The following SLC2A13 variants were observed in gnomAD, a reference collection of about 807,000 sequenced individuals.
The protein encoded by SLC2A13 is proton myo-inositol cotransporter.
SLC2A13 carries 32 observed loss-of-function variants against 64.4 expected under a neutral mutation model. The observed-to-expected ratio is 0.50, with a 90% CI of 0.37 to 0.67. SLC2A13 has a LOEUF of 0.67. Ranked by LOEUF, SLC2A13 falls within the 30% of genes least tolerant of loss-of-function variation. SLC2A13 has a pLI of 0.00. For synonymous variants in SLC2A13, 338 were observed against 327.1 expected, an observed-to-expected ratio of 1.03 and a Z score of -0.36; for missense variants, 743 against 829.2, an observed-to-expected ratio of 0.90 and a Z score of 1.28.
In SLC2A13 at chr12:40,015,630, C is replaced by T. The variant is rs531237630; in HGVS notation, c.925+12671G>A. 2.0e-3 allele frequency among the ~76,000 whole-genome samples: 300 copies of T among 152,310 alleles called. 3 individuals carry two copies. Among genetic ancestry groups the T allele is most frequent in the African/African-American group, 7.1e-3 (294 of 41,566 alleles). ...CAGGCTTCCAACACTCTCCCTCCTC[C>T]ACTGCACTTGATCTTTCCCCATCAC... On this transcript the variant is annotated intron_variant, in intron 3 of 9. Coordinates refer to ENST00000280871, the MANE Select transcript of SLC2A13 (RefSeq NM_052885.4).
intron 4 of SLC2A13, among the ~76,000 whole-genome samples, chr12:39,906,738 G>A (rs954131566): frequency 1.1e-4 from 16 of 152,188 alleles, no homozygotes; most frequent in African/African-American, 3.9e-4. Context: ...TTATTAAAGT[G>A]AGAGCTACTT....
intron 5 of SLC2A13, among the ~76,000 whole-genome samples, chr12:39,867,414 G>A (rs1943937112): frequency 6.6e-6 from 1 of 151,844 alleles, no homozygotes; most frequent in Non-Finnish European, 1.5e-5. Flanking sequence ...TTGAATGGAT[G>A]GGCCACCATA....
At chr12:39,815,784 A>G (rs1942321964) in intron 7 of SLC2A13, among the ~76,000 whole-genome samples, 1 of 152,186 alleles carries the variant, frequency 6.6e-6, no homozygotes, top group Admixed American at 6.5e-5. Flanking sequence ...CCAGTCTGGA[A>G]AAAACAAATA....
At chr12:39,897,564 C>G (rs1284172780) in intron 4 of SLC2A13, among the ~76,000 whole-genome samples, 1 of 152,164 alleles carries the variant, frequency 6.6e-6, no homozygotes, top group Non-Finnish European at 1.5e-5. Flanking sequence ...TGTTTTTTAT[C>G]TGCTCTGTCC....
chr12:40,024,265 T>C (rs2136211248), intron 3 of SLC2A13, among the ~76,000 whole-genome samples: 1 of 152,316 alleles, frequency 6.6e-6, no homozygotes, highest in African/African-American at 2.4e-5. Flanking sequence ...AGTAATTGTG[T>C]CCCTACTAAT....
At chr12:39,800,242 T>A (rs1362083243) in intron 7 of SLC2A13, among the ~76,000 whole-genome samples, 1 of 152,198 alleles carries the variant, frequency 6.6e-6, no homozygotes. Context: ...AAATAATTTG[T>A]GACTAGAATC....
chr12:40,105,044 A>G lies in SLC2A13; in HGVS notation c.556+209T>C, dbSNP rs1939259281. ...CGTGCGCTCGAGGGAGACTAGAGTG[A>G]CACCCCCTCCCCCCCGACCCTCCCA... On this transcript the variant is annotated intron_variant, in intron 1 of 9. Transcript: ENST00000280871. This position sits in a 1 kb window ranked among gnomAD's most constrained non-coding sequence, Gnocchi z 4.2. Among the ~76,000 whole-genome samples, 1 of 151,978 alleles carries G rather than the reference A, an allele frequency of 6.6e-6. No individual in the cohort carries two copies. Among genetic ancestry groups the G allele is most frequent in the Non-Finnish European group, 1.5e-5 (1 of 67,988 alleles).
At chr12:40,034,617 G>T (rs184138347) in intron 2 of SLC2A13, among the ~76,000 whole-genome samples, 25 of 152,270 alleles carry the variant, frequency 1.6e-4, no homozygotes, top group Admixed American at 2.6e-4. Flanking sequence ...TCATGTCCAT[G>T]TTAGCCCATT....
intron 4 of SLC2A13, among the ~76,000 whole-genome samples, chr12:39,910,912 G>C (rs531272744): frequency 6.6e-6 from 1 of 151,880 alleles, no homozygotes; most frequent in African/African-American, 2.4e-5. Context: ...GTGAAACCCC[G>C]TCTCTACTAA....
Position 40,073,548 on chromosome 12 carries a change from C to G in SLC2A13, c.557-25338G>C, listed in dbSNP as rs375793133. Among the ~76,000 whole-genome samples, 4 of 152,142 alleles carry G rather than the reference C, an allele frequency of 2.6e-5. No individual in the cohort carries two copies. The East Asian group carries it at 5.8e-4, about 22-fold the overall frequency. ...ACGTAGATCTGAGTTTCTGACATAT[C>G]ATTTTTTACATTTCTTGCATGGCAA... On this transcript the variant is annotated intron_variant, in intron 1 of 9. Transcript: ENST00000280871.
intron 4 of SLC2A13, among the ~76,000 whole-genome samples, chr12:39,891,486 T>C (rs1198234046): frequency 1.3e-5 from 2 of 152,196 alleles, no homozygotes; most frequent in South Asian, 2.1e-4. Context: ...TAAGAAAGCA[T>C]ATGAAAATCT....
chr12:40,055,041 G>A (rs1948313718), intron 1 of SLC2A13, among the ~76,000 whole-genome samples: 1 of 152,194 alleles, frequency 6.6e-6, no homozygotes, highest in Admixed American at 6.5e-5. Flanking sequence ...ATCCCTCGCT[G>A]TGGTTGTTTT....
chr12:39,898,463 A>G (rs1210457397), intron 4 of SLC2A13, among the ~76,000 whole-genome samples: 4 of 151,636 alleles, frequency 2.6e-5, no homozygotes, highest in African/African-American at 4.8e-5. Context: ...ATGACATACC[A>G]TATTCTGCCA....
At chr12:39,777,709 G>C (rs896208028) in intron 7 of SLC2A13, among the ~76,000 whole-genome samples, 2 of 152,224 alleles carry the variant, frequency 1.3e-5, no homozygotes, top group African/African-American at 2.4e-5. Flanking sequence ...TGGCCGTCGA[G>C]AGGAACGCAC....
chr12:39,896,610 G>C (rs1944923948), intron 4 of SLC2A13, among the ~76,000 whole-genome samples: 1 of 151,156 alleles, frequency 6.6e-6, no homozygotes, highest in African/African-American at 2.4e-5. Context: ...GTATGTATAT[G>C]TGTTTATATG....
At chr12:39,766,016 AG>A (rs1421043613) in intron 7 of SLC2A13, among the ~76,000 whole-genome samples, 4 of 152,038 alleles carry the variant, frequency 2.6e-5, no homozygotes, top group Non-Finnish European at 1.5e-5. Flanking sequence ...TTGGCCTCAT[AG>A]TTCCTTATTT....
At chr12:40,019,722 T>A (rs1313186288) in intron 3 of SLC2A13, among the ~76,000 whole-genome samples, 4 of 152,202 alleles carry the variant, frequency 2.6e-5, no homozygotes, top group African/African-American at 9.6e-5. Flanking sequence ...GGCTCAGTTT[T>A]CTTAAAAAAT....
intron 2 of SLC2A13, among the ~76,000 whole-genome samples, chr12:40,043,242 G>A (rs955719696): frequency 6.6e-6 from 1 of 152,082 alleles, no homozygotes; most frequent in Non-Finnish European, 1.5e-5. Flanking sequence ...GATAAGCCAG[G>A]ATTTAACTAA....
intron 6 of SLC2A13, among the ~76,000 whole-genome samples, chr12:39,847,236 T>C (rs1266523992): frequency 6.6e-6 from 1 of 152,156 alleles, no homozygotes; most frequent in Non-Finnish European, 1.5e-5. Flanking sequence ...AAAATTAACA[T>C]ATCCCCTAGC....
Sources: allele counts gnomAD v4.1 joint callset (sites outside exome capture counted in the v4.1 genomes callset), GRCh38; gene constraint gnomAD v4.1.1; non-coding constraint Gnocchi (gnomAD v3.1); transcripts MANE v1.5; gene names NCBI Gene and HGNC (gene_info 2026-07-23, HGNC 2026-07-21).